The following FHOD3 variants were observed in gnomAD, a reference collection of about 807,000 sequenced individuals.
The protein encoded by FHOD3 is formin homology 2 domain containing 3, also known as FH1/FH2 domain-containing protein 3.
Under a neutral mutation model 173.0 loss-of-function variants are expected in FHOD3, and 90 were observed. That is an observed-to-expected ratio of 0.52 (90% CI 0.44 to 0.62). The LOEUF (loss-of-function observed/expected upper bound fraction) is 0.62, where lower values mean the gene tolerates loss of function less well. FHOD3 is among the 20% of genes least tolerant of loss of function. FHOD3 has a pLI of 0.00. For synonymous variants in FHOD3, 828 were observed against 823.0 expected, an observed-to-expected ratio of 1.01 and a Z score of -0.10; for missense variants, 1,945 against 2,034.7, an observed-to-expected ratio of 0.96 and a Z score of 0.85.
intron 6 of FHOD3, among the ~76,000 whole-genome samples, chr18:36,585,707 T>G (rs528654650): frequency 2.0e-4 from 31 of 152,206 alleles, no homozygotes; most frequent in Admixed American, 5.9e-4. Flanking sequence ...AAAGACATTA[T>G]TTTTGTGAAC....
chr18:36,680,350 A>T (rs918369425), intron 14 of FHOD3, among the ~76,000 whole-genome samples: 1 of 152,224 alleles, frequency 6.6e-6, no homozygotes, highest in Admixed American at 6.5e-5. Context: ...CCTTGCAGGT[A>T]TATTTTTCAC....
rs572755770 is a variant in FHOD3 at position 36,704,298 on chromosome 18, C to T, written c.2237-4797C>T. ...GCGATGCTGAGACCCCATCGATCTG[C>T]GCTCTTGGGCTGTGACCCAGGAAGA... On this transcript the variant is annotated intron_variant, in intron 17 of 28. Coordinates refer to ENST00000590592, the MANE Select transcript of FHOD3 (RefSeq NM_001281740.3). Among the ~76,000 whole-genome samples the T allele has an allele frequency of 4.6e-5, 7 of 152,322 alleles. No homozygotes were observed. In the South Asian group the frequency reaches 6.2e-4, roughly 14 times the overall value.
intron 3 of FHOD3, among the ~76,000 whole-genome samples, chr18:36,432,059 T>C (rs12963373): frequency 0.013 from 1,979 of 152,342 alleles, 28 homozygotes; most frequent in South Asian, 0.022. Context: ...TCAGTAATCA[T>C]AGCTTTGTTT....
rs752170663 is a variant in FHOD3 at position 36,693,270 on chromosome 18, G to T, written c.2083G>T (p.Val695Leu). 1 of 1,613,916 alleles carries T rather than the reference G, an allele frequency of 6.2e-7. No homozygotes were observed. The highest frequency in any genetic ancestry group is 8.5e-7 in the Non-Finnish European group (1 of 1,179,870). ...EHEKELRSRS[V>L]SRGRADLSLD... ...CGAGAAGGAGCTGAGAAGCCGGAGTGTGAGCCGGGGCAGAGCCGACCTCTC... is the reference window on the plus strand; with the variant it reads ...CGAGAAGGAGCTGAGAAGCCGGAGTTTGAGCCGGGGCAGAGCCGACCTCTC... The change falls in exon 17 of 29, where the codon GTG (valine) becomes TTG (leucine). Residue 695 changes from valine to leucine, a missense_variant. Val to Leu is a conservative substitution (Grantham distance 32). Transcript: ENST00000590592.
At chr18:36,411,710 C>A (rs1030841305) in intron 3 of FHOD3, among the ~76,000 whole-genome samples, 1 of 152,200 alleles carries the variant, frequency 6.6e-6, no homozygotes, top group African/African-American at 2.4e-5. Flanking sequence ...CTGAGTGGCC[C>A]AGGAGAATGC....
chr18:36,470,675 G>A (rs959490115), intron 3 of FHOD3, among the ~76,000 whole-genome samples: 14 of 152,188 alleles, frequency 9.2e-5, no homozygotes, highest in African/African-American at 3.1e-4. Flanking sequence ...TTGTTCCCTG[G>A]TGAGCAAAAT....
chr18:36,721,765 T>C (rs376370960), intron 19 of FHOD3, among the ~76,000 whole-genome samples: 9 of 152,374 alleles, frequency 5.9e-5, no homozygotes, highest in African/African-American at 1.7e-4. Context: ...ACTGTGGTTT[T>C]CATAAATCAA....
intron 20 of FHOD3, 57 bp downstream of exon 20, chr18:36,730,861 A>G (rs1364993268): frequency 1.3e-6 from 2 of 1,527,362 alleles, no homozygotes; most frequent in Non-Finnish European, 1.8e-6. Flanking sequence ...CATGTATAAT[A>G]TGCTGCATGT....
chr18:36,559,511 C>T (rs1412155528), intron 5 of FHOD3, among the ~76,000 whole-genome samples: 1 of 152,148 alleles, frequency 6.6e-6, no homozygotes. Flanking sequence ...ACCTACAGCC[C>T]CCACCAATAC....
chr18:36,678,725 G>A (rs1254452253), intron 14 of FHOD3, among the ~76,000 whole-genome samples: 2 of 151,798 alleles, frequency 1.3e-5, no homozygotes, highest in African/African-American at 2.4e-5. Context: ...TGCAGAGGTA[G>A]CCATGGTTTT....
intron 7 of FHOD3, among the ~76,000 whole-genome samples, chr18:36,599,359 C>T (rs569742861): frequency 7.9e-5 from 12 of 152,300 alleles, no homozygotes; most frequent in South Asian, 2.1e-4. Flanking sequence ...CCTGCTATCA[C>T]GCATGATTAG....
chr18:36,333,073 C>T (rs758485275), intron 1 of FHOD3, among the ~76,000 whole-genome samples: 5 of 152,218 alleles, frequency 3.3e-5, no homozygotes, highest in Non-Finnish European at 5.9e-5. Context: ...CCCACACTGC[C>T]CTTAGCCAAT....
At chr18:36,364,462 C>T (rs535927105) in intron 2 of FHOD3, among the ~76,000 whole-genome samples, 1 of 152,278 alleles carries the variant, frequency 6.6e-6, no homozygotes, top group African/African-American at 2.4e-5. Flanking sequence ...CTCGAGGGCA[C>T]AGTGAATAGT....
rs554258383 is a variant in FHOD3, at chr18:36,415,474, C to A, written c.337+42730C>A. Among the ~76,000 whole-genome samples the A allele has an allele frequency of 5.3e-5, 8 of 152,276 alleles. No individual in the cohort carries two copies. In the East Asian group the frequency reaches 1.5e-3, roughly 29 times the overall value. ...AAGAAGAAAATGTGACTTCTTAAAA[C>A]CTTGTCAGCACGCAAGGATTTATTC... On this transcript the variant is annotated intron_variant, in intron 3 of 28. Coordinates refer to ENST00000590592, the MANE Select transcript of FHOD3 (RefSeq NM_001281740.3).
chr18:36,568,368 G>A (rs1476484461), intron 5 of FHOD3, among the ~76,000 whole-genome samples: 14 of 127,080 alleles, frequency 1.1e-4, no homozygotes, highest in South Asian at 5.1e-4. Context: ...AAAAAAAAAA[G>A]GTGGTGGAGG....
intron 19 of FHOD3, among the ~76,000 whole-genome samples, chr18:36,720,906 G>A (rs965185751): frequency 6.6e-6 from 1 of 152,134 alleles, no homozygotes; most frequent in Admixed American, 6.5e-5. Flanking sequence ...AGTATTGGGA[G>A]GAATAAAATG....
intron 14 of FHOD3, among the ~76,000 whole-genome samples, chr18:36,676,986 A>G (rs1271311965): frequency 6.6e-6 from 1 of 152,154 alleles, no homozygotes; most frequent in African/African-American, 2.4e-5. Flanking sequence ...CAATGTGCAC[A>G]AATTTTAAAT....
At chr18:36,630,420 C>A (rs1462871273) in intron 10 of FHOD3, among the ~76,000 whole-genome samples, 2 of 152,050 alleles carry the variant, frequency 1.3e-5, no homozygotes, top group Non-Finnish European at 2.9e-5. Context: ...GCTTCAAATT[C>A]TCAGGAAATA....
At position 36,779,540 on chromosome 18, in the gene FHOD3, G is replaced by A. The variant is rs1369700699; in HGVS notation, c.*10G>A. 3.1e-6 allele frequency: 5 copies of A among 1,613,630 alleles called. No homozygotes were observed. In the Admixed American group the frequency reaches 8.3e-5, roughly 27 times the overall value. On this transcript the variant is annotated 3_prime_UTR_variant, in exon 29 of 29. Coordinates refer to ENST00000590592, the MANE Select transcript of FHOD3 (RefSeq NM_001281740.3). ...GGAGTTGCAGCTGTGACACTCATAG[G>A]TTACTCCCAGGAGTGTGCTGAGCAG...
Sources: gnomAD v4.1 joint callset for allele counts (sites outside exome capture counted in the v4.1 genomes callset) on GRCh38, gnomAD v4.1.1 for gene constraint, MANE v1.5 for transcripts, NCBI Gene and HGNC (gene_info 2026-07-23, HGNC 2026-07-21) for gene names.